The following DMD variants were observed in gnomAD, a reference collection of about 807,000 sequenced individuals.
The protein encoded by DMD is mutant dystrophin.
Under a neutral mutation model 330.1 loss-of-function variants are expected in DMD, and 63 were observed. That is an observed-to-expected ratio of 0.19 (90% CI 0.16 to 0.24). The LOEUF (loss-of-function observed/expected upper bound fraction) is 0.24. DMD is among the 10% of genes least tolerant of loss of function. The pLI is 1.00. For synonymous variants in DMD, 1,223 were observed against 959.8 expected, an observed-to-expected ratio of 1.27 and a Z score of -5.07; for missense variants, 3,344 against 2,684.1, an observed-to-expected ratio of 1.25 and a Z score of -5.43.
At chrX:31,964,714 T>C (rs1164989151) in intron 45 of DMD, among the ~76,000 whole-genome samples, 1 of 109,953 alleles carries the variant, frequency 9.1e-6, no homozygotes, top group African/African-American at 3.3e-5. Flanking sequence ...AATTGTTGAC[T>C]CTAAGAATTT....
At position 31,627,731 on chromosome X, in the gene DMD, C is replaced by T. The variant is rs760495223; in HGVS notation, c.8159G>A (p.Arg2720His). 1.8e-5 allele frequency: 22 copies of T among 1,209,456 alleles called. No homozygotes were observed. Among genetic ancestry groups the T allele is most frequent in the African/African-American group, 5.3e-5 (3 of 57,123 alleles). The change falls in exon 55 of 79, where the codon CGT becomes CAT. Residue 2720 changes from arginine to histidine, a missense_variant. Transcript: ENST00000357033. ...GGAGTCTTCTAGGAGCCTTTCCTTACGGGTAGCATCCTGTAGGACATTGGC... is the reference window on the plus strand; with the variant it reads ...GGAGTCTTCTAGGAGCCTTTCCTTATGGGTAGCATCCTGTAGGACATTGGC... ...TTANVLQDAT[R>H]KERLLEDSKG...
At position 32,365,064 on chromosome X, in the gene DMD, T is replaced by C. The variant is rs373475585; in HGVS notation, c.4981A>G (p.Ile1661Val). 4.6e-5 allele frequency: 55 copies of C among 1,208,658 alleles called. No individual in the cohort carries two copies. Among genetic ancestry groups the C allele is most frequent in the Non-Finnish European group, 5.7e-5 (51 of 894,832 alleles). The change falls in exon 35 of 79, where the codon ATA (isoleucine) becomes GTA (valine). Residue 1661 changes from isoleucine (I) to valine (V), a missense_variant. Coordinates refer to ENST00000357033, the MANE Select transcript of DMD (RefSeq NM_004006.3). Reference protein sequence around the residue: ...DKLSLLNSNWIAVTSRAEEWL... With the variant: ...DKLSLLNSNWVAVTSRAEEWL... The stretch of plus-strand genomic sequence containing the variant: ...TCTTCTGCTCGGGAGGTGACAGCTA[T>C]CCAGTTACTATTCAGAAGACTGAGT...
At chrX:31,152,680 T>A (rs1218728927) in intron 74 of DMD, among the ~76,000 whole-genome samples, 4 of 111,367 alleles carry the variant, frequency 3.6e-5, no homozygotes, top group Non-Finnish European at 7.5e-5. Context: ...ACTACAGGCA[T>A]GTACCACCAC....
chrX:31,236,104 C>A (rs773086630), intron 63 of DMD, among the ~76,000 whole-genome samples: 1 of 112,175 alleles, frequency 8.9e-6, no homozygotes, highest in East Asian at 2.8e-4. Flanking sequence ...GGCTGAACGT[C>A]CTTTCTCTTT....
At chrX:33,147,855 C>T (rs55838326) in intron 1 of DMD, among the ~76,000 whole-genome samples, 8,852 of 111,543 alleles carry the variant, frequency 0.079, 377 homozygotes, top group South Asian at 0.19. Context: ...TAAAATATAT[C>T]TTTTCTTTAA....
intron 43 of DMD, among the ~76,000 whole-genome samples, chrX:32,257,909 A>T (rs914842923): frequency 3.6e-5 from 4 of 110,927 alleles, no homozygotes; most frequent in African/African-American, 3.3e-5. Flanking sequence ...AATTTTTGCA[A>T]TCTATACATC....
At chrX:32,467,226 T>C (rs1025838606) in intron 23 of DMD, among the ~76,000 whole-genome samples, 1 of 112,146 alleles carries the variant, frequency 8.9e-6, no homozygotes, top group Non-Finnish European at 1.9e-5. Flanking sequence ...CAGGAGCATA[T>C]TGTTGCAATG....
At position 32,738,868 on chromosome X, in the gene DMD, T is replaced by G. The variant is rs113593006; in HGVS notation, c.650-39575A>C. ...TCAAAAGGAGAGGTGTGAAATTCAC[T>G]CTGAAATTCAATTAGAATATAATTA... On this transcript the variant is annotated intron_variant, in intron 7 of 78. Transcript: ENST00000357033. Among the ~76,000 whole-genome samples, 16,147 of 111,141 alleles carry G rather than the reference T, an allele frequency of 0.15. 1,210 individuals are homozygous for G. Among genetic ancestry groups the G allele is most frequent in the African/African-American group, 0.28 (8,425 of 30,536 alleles).
chrX:32,553,410 A>G (rs192102762), intron 16 of DMD, among the ~76,000 whole-genome samples: 272 of 110,090 alleles, frequency 2.5e-3, no homozygotes, highest in Non-Finnish European at 4.4e-3. Flanking sequence ...GGTCTATGTG[A>G]GGCTGGAGGG....
At chrX:33,021,717 T>G (rs1444415711) in intron 1 of DMD, among the ~76,000 whole-genome samples, 1 of 111,748 alleles carries the variant, frequency 8.9e-6, no homozygotes, top group Non-Finnish European at 1.9e-5. Context: ...TCATCTTAGG[T>G]GAGAAATTTT....
At chrX:32,854,747 C>A (rs1051641696) in intron 2 of DMD, among the ~76,000 whole-genome samples, 1 of 111,265 alleles carries the variant, frequency 9.0e-6, no homozygotes, top group Non-Finnish European at 1.9e-5. Context: ...GATGGCTTCA[C>A]TGCTGAATGT....
chrX:31,700,115 G>A (rs1158504297), intron 52 of DMD, among the ~76,000 whole-genome samples: 4 of 109,054 alleles, frequency 3.7e-5, no homozygotes, highest in South Asian at 4.1e-4. Context: ...GAACCCGGGC[G>A]GCAGAGGTTG....
intron 2 of DMD, among the ~76,000 whole-genome samples, chrX:32,856,561 C>G (rs1257080663): frequency 8.9e-6 from 1 of 111,782 alleles, no homozygotes; most frequent in African/African-American, 3.3e-5. Flanking sequence ...AAGCCAGGCA[C>G]AAAAACAAAC....
At chrX:31,227,683 C>T (rs1042591581) in intron 63 of DMD, among the ~76,000 whole-genome samples, 11 of 110,818 alleles carry the variant, frequency 9.9e-5, no homozygotes, top group African/African-American at 3.6e-4. Context: ...CTGTAAATTA[C>T]CTTGGGCAGT....
chrX:32,736,243 G>A (rs1215045380), intron 7 of DMD, among the ~76,000 whole-genome samples: 123 of 111,251 alleles, frequency 1.1e-3, no homozygotes, highest in Admixed American at 1.4e-3. Flanking sequence ...TTAGAATGGC[G>A]ATCATTAAAA....
chrX:31,554,656 C>T lies in DMD; in HGVS notation c.8218-47203G>A, dbSNP rs980574982. On this transcript the variant is annotated intron_variant, in intron 55 of 78. Transcript: ENST00000357033. ...CCTTTTCCCTGTAAGTATATGTTAT[C>T]ACTTTGATACAAATGAATCATAATT... Among the ~76,000 whole-genome samples, 4 of 111,575 alleles carry T rather than the reference C, an allele frequency of 3.6e-5. No homozygotes were observed. In the South Asian group the frequency reaches 1.5e-3, roughly 42 times the overall value.
At chrX:31,214,919 CTTT>C (rs1238414008) in intron 64 of DMD, among the ~76,000 whole-genome samples, 2 of 54,380 alleles carry the variant, frequency 3.7e-5, no homozygotes, top group African/African-American at 1.2e-4. Flanking sequence ...ACCAAAGATA[CTTT>C]TTTATTTCTT....
At chrX:32,896,302 T>C (rs936958804) in intron 2 of DMD, among the ~76,000 whole-genome samples, 1 of 111,818 alleles carries the variant, frequency 8.9e-6, no homozygotes, top group Non-Finnish European at 1.9e-5. Flanking sequence ...ACGCCTTTCA[T>C]CATACAGAAA....
At chrX:31,910,764 T>C (rs758467167) in intron 47 of DMD, among the ~76,000 whole-genome samples, 1 of 111,554 alleles carries the variant, frequency 9.0e-6, no homozygotes, top group African/African-American at 3.3e-5. Flanking sequence ...ACTTTCTAAG[T>C]GGACCAGGCA....
Sources: allele counts gnomAD v4.1 joint callset (sites outside exome capture counted in the v4.1 genomes callset), GRCh38; gene constraint gnomAD v4.1.1; transcripts MANE v1.5; gene names NCBI Gene and HGNC (gene_info 2026-07-23, HGNC 2026-07-21).